The following CUL3 variants were observed in gnomAD, a reference collection of about 807,000 sequenced individuals.
The protein encoded by CUL3 is cullin 3, also known as cullin-3.
Under a neutral mutation model 89.1 loss-of-function variants are expected in CUL3, and 19 were observed. That is an observed-to-expected ratio of 0.21 (90% CI 0.15 to 0.31). The LOEUF is 0.31. Among genes scored for constraint, CUL3 ranks in the 10% least tolerant of loss-of-function variants. The pLI is 1.00. For synonymous variants in CUL3, 351 were observed against 308.4 expected, an observed-to-expected ratio of 1.14 and a Z score of -1.45; for missense variants, 469 against 942.3, an observed-to-expected ratio of 0.50 and a Z score of 6.58.
chr2:224,500,399 G>A lies in CUL3; in HGVS notation c.1574C>T (p.Pro525Leu). 1 of 1,614,026 alleles carries A rather than the reference G, an allele frequency of 6.2e-7. No homozygotes were observed. Among genetic ancestry groups the A allele is most frequent in the Non-Finnish European group, 8.5e-7 (1 of 1,179,954 alleles). Residue 525 changes from proline (P) to leucine (L), a missense_variant, in exon 11 of 16, where the codon CCA (proline) becomes CTA (leucine). Pro to Leu is a moderately conservative substitution (Grantham distance 98). Around this residue, in one of 4 missense-constraint regions of CUL3, gnomAD observed 370 missense variants for 733.2 expected, o/e 0.50. Transcript: ENST00000264414. ...TQSATPKCNI[P>L]PAPRHAFEIF... is the part of the protein sequence containing the mutation. The stretch of plus-strand genomic sequence containing the variant: ...CTCAAAAGCATGTCTTGGTGCTGGT[G>A]GGATGTTGCACTTTGGTGTGGCTGA...
Position 224,556,060 on chromosome 2 carries a change from ATAAGATAC to A in CUL3, c.264+1591_264+1598del, listed in dbSNP as rs1169496275. Among the ~76,000 whole-genome samples the A allele has an allele frequency of 2.0e-5, 3 of 152,202 alleles. No individual in the cohort carries two copies. In the East Asian group the frequency reaches 5.8e-4, roughly 29 times the overall value. On this transcript the variant is annotated intron_variant, in intron 2 of 15. Coordinates refer to ENST00000264414, the MANE Select transcript of CUL3 (RefSeq NM_003590.5). ...GTGAAAAACACAATCACCTTGCTTC[ATAAGATAC>A]TAACTGCGTGGCTCATGTAATTCCC...
At position 224,511,385 on chromosome 2, in the gene CUL3, T is replaced by C. The variant is rs765412775; in HGVS notation, c.852A>G (p.Leu284=). 3 of 1,612,482 alleles carry C rather than the reference T, an allele frequency of 1.9e-6. No homozygotes were observed. The highest frequency in any genetic ancestry group is 2.2e-5 in the South Asian group (2 of 90,874). The change falls in exon 6 of 16, where the codon CTA becomes CTG. Residue 284 remains leucine (L), a synonymous_variant. Transcript: ENST00000264414. The stretch of plus-strand genomic sequence containing the variant: ...TCTTTCCATTTTTCAACATATGTAC[T>C]AGCCCAGAATTCTCCATTTCTACTA... ...KTIVEMENSG[L]VHMLKNGKTE... is the part of the protein sequence containing the mutation.
intron 3 of CUL3, among the ~76,000 whole-genome samples, chr2:224,515,475 T>A (rs1693004738): frequency 6.6e-6 from 1 of 152,214 alleles, no homozygotes; most frequent in Admixed American, 6.5e-5. Context: ...TCCTTTCTCG[T>A]CTCAGCAAGG....
intron 2 of CUL3, among the ~76,000 whole-genome samples, chr2:224,546,269 T>C (rs555361842): frequency 1.3e-5 from 2 of 152,260 alleles, no homozygotes; most frequent in South Asian, 4.2e-4. Flanking sequence ...CTACCAGTAT[T>C]TTTGTTCTCG....
At chr2:224,498,348 T>C (rs1378062526) in intron 11 of CUL3, among the ~76,000 whole-genome samples, 1 of 152,224 alleles carries the variant, frequency 6.6e-6, no homozygotes, top group Admixed American at 6.5e-5. Context: ...TGTTCAAAAC[T>C]GGTAGTTTTT....
rs1021298294 is a variant in CUL3 at position 224,473,904 on chromosome 2, G to A, written c.*341C>T. On this transcript the variant is annotated 3_prime_UTR_variant, in exon 16 of 16. Coordinates refer to ENST00000264414, the MANE Select transcript of CUL3 (RefSeq NM_003590.5). Reference sequence around the variant, plus strand: ...ATTTACATCAACACTGAAGACCTGGGGAAATGAAATCCAACAATTTTATTG... The same window carrying A: ...ATTTACATCAACACTGAAGACCTGGAGAAATGAAATCCAACAATTTTATTG... 2.2e-5 allele frequency: 5 copies of A among 229,280 alleles called. No homozygotes were observed. In the East Asian group the frequency reaches 3.3e-4, roughly 15 times the overall value. 14.2% of individuals were successfully genotyped at this position (229,280 alleles called of 1,614,324 possible). A position where few individuals can be genotyped will look rare whatever the true frequency, so the allele number is the denominator to read the frequency against.
intron 3 of CUL3, among the ~76,000 whole-genome samples, chr2:224,515,115 G>C (rs184571846): frequency 3.3e-5 from 5 of 152,152 alleles, no homozygotes; most frequent in Non-Finnish European, 7.4e-5. Context: ...AACATGGTTC[G>C]TTCTTAAATA....
intron 13 of CUL3, among the ~76,000 whole-genome samples, chr2:224,484,127 TACC>T (rs966134477): frequency 1.3e-5 from 2 of 152,032 alleles, no homozygotes; most frequent in Non-Finnish European, 2.9e-5. Flanking sequence ...GACATGATAA[TACC>T]ACTGCACTCC....
At chr2:224,508,599 A>G (rs570704712) in intron 6 of CUL3, among the ~76,000 whole-genome samples, 23 of 152,310 alleles carry the variant, frequency 1.5e-4, no homozygotes, top group African/African-American at 5.3e-4. Flanking sequence ...AGGGAATGTA[A>G]AAGTAAATGA....
rs1257581513 is a variant in CUL3, at chr2:224,485,645, G to A, written c.1843-3567C>T. On this transcript the variant is annotated intron_variant, in intron 13 of 15. Transcript: ENST00000264414. This position sits in a 1 kb window ranked among gnomAD's most constrained non-coding sequence, Gnocchi z 4.1. ...GTAAATAAAACTCCCATCTCCCTGG[G>A]ACAGAGCACCTGGGAAGAAGGCAGC... Among the ~76,000 whole-genome samples, 2 of 152,198 alleles carry A rather than the reference G, an allele frequency of 1.3e-5. No individual in the cohort carries two copies. Among genetic ancestry groups the A allele is most frequent in the East Asian group, 1.9e-4 (1 of 5,190 alleles).
At chr2:224,476,939 T>G in intron 15 of CUL3, among the ~76,000 whole-genome samples, 1 of 152,184 alleles carries the variant, frequency 6.6e-6, no homozygotes, top group East Asian at 1.9e-4. Flanking sequence ...TCTTGGTGGT[T>G]TCCACCTCCA....
rs529933854 is a variant in CUL3 at position 224,518,506 on chromosome 2, T to C, written c.379-3734A>G. 8.9e-4 allele frequency among the ~76,000 whole-genome samples: 135 copies of C among 152,340 alleles called. 1 individual carries two copies. The highest frequency in any genetic ancestry group is 1.4e-3 in the Non-Finnish European group (97 of 68,028). ...GATTCTAAGAGAGGAATTACTGGGCTGTATGGAAATTATCAAACTTTTCTA... is the reference window on the plus strand; with the variant it reads ...GATTCTAAGAGAGGAATTACTGGGCCGTATGGAAATTATCAAACTTTTCTA... On this transcript the variant is annotated intron_variant, in intron 3 of 15. Coordinates refer to ENST00000264414, the MANE Select transcript of CUL3 (RefSeq NM_003590.5).
At chr2:224,499,365 T>G in intron 11 of CUL3, 1 of 234,512 alleles carries the variant, frequency 4.3e-6, no homozygotes, top group Non-Finnish European at 9.6e-6. Flanking sequence ...CTTAAGACAA[T>G]TACTAGAATC....
At chr2:224,548,919 C>T (rs1208907586) in intron 2 of CUL3, among the ~76,000 whole-genome samples, 1 of 152,048 alleles carries the variant, frequency 6.6e-6, no homozygotes, top group Non-Finnish European at 1.5e-5. Context: ...AGAGAATCAC[C>T]ACAGCCTGGG....
At position 224,502,030 on chromosome 2, in the gene CUL3, C is replaced by T. The variant is rs78565895; in HGVS notation, c.1485+935G>A. Among the ~76,000 whole-genome samples, 1,299 of 152,296 alleles carry T rather than the reference C, an allele frequency of 8.5e-3. 33 individuals are homozygous for T. Among genetic ancestry groups the T allele is most frequent in the African/African-American group, 0.03 (1,251 of 41,554 alleles). ...ATTTCTGTCATGGACTTGCATCTTT[C>T]CTCCTCTCAGCTCTTCTCCACTGTA... On this transcript the variant is annotated intron_variant, in intron 10 of 15. Coordinates refer to ENST00000264414, the MANE Select transcript of CUL3 (RefSeq NM_003590.5).
chr2:224,470,899 T>TATGG lies in CUL3; in HGVS notation c.*3342_*3345dup. The TATGG allele has an allele frequency of 4.4e-6, 1 of 228,892 alleles. No homozygotes were observed. The highest frequency in any genetic ancestry group is 8.7e-6 in the Non-Finnish European group (1 of 115,360). 14.2% of individuals were successfully genotyped at this position (228,892 alleles called of 1,614,324 possible). On this transcript the variant is annotated 3_prime_UTR_variant, in exon 16 of 16. Coordinates refer to ENST00000264414, the MANE Select transcript of CUL3 (RefSeq NM_003590.5). ...AATCATGTCAATTTGTAACATGGAA[T>TATGG]ATGGATAGGATTAAACCTAGGTCCA...
rs200152305 is a variant in CUL3 at position 224,513,662 on chromosome 2, T to C, written c.540-24A>G. On this transcript the variant is annotated intron_variant, in intron 4 of 15. Coordinates refer to ENST00000264414, the MANE Select transcript of CUL3 (RefSeq NM_003590.5). The stretch of plus-strand genomic sequence containing the variant: ...CTCTGTCGAAAAAAGTTATTATCAC[T>C]TGATAATTAAATTACATTTAAAAAT... The C allele has an allele frequency of 1.4e-3, 1,933 of 1,407,924 alleles. 3 individuals carry two copies. Among genetic ancestry groups the C allele is most frequent in the Non-Finnish European group, 1.7e-3 (1,754 of 1,031,314 alleles). 87.2% of individuals were successfully genotyped at this position (1,407,924 alleles called of 1,614,324 possible).
chr2:224,535,773 T>C (rs1330582172), intron 2 of CUL3, 132 bp from the exon 3 acceptor site: 8 of 658,242 alleles, frequency 1.2e-5, no homozygotes, highest in Non-Finnish European at 1.6e-5. Flanking sequence ...TATAGGCTAG[T>C]AGAAATATTT....
chr2:224,513,474 A>G lies in CUL3; in HGVS notation c.654+50T>C, dbSNP rs771793850. The G allele has an allele frequency of 8.4e-6, 10 of 1,188,252 alleles. No individual in the cohort carries two copies. In the African/African-American group the frequency reaches 1.6e-4, roughly 19 times the overall value. 73.6% of individuals were successfully genotyped at this position (1,188,252 alleles called of 1,614,324 possible). ...AGTTAAATTAGTAACTATATTAAAT[A>G]ACATTAAGAACATCTTAAAAGATTA... On this transcript the variant is annotated intron_variant, in intron 5 of 15. Coordinates refer to ENST00000264414, the MANE Select transcript of CUL3 (RefSeq NM_003590.5).
Sources: gnomAD v4.1 joint callset for allele counts (sites outside exome capture counted in the v4.1 genomes callset) on GRCh38, gnomAD v4.1.1 for gene constraint, gnomAD v4.1.1 regional missense constraint, Gnocchi (gnomAD v3.1) non-coding constraint, MANE v1.5 for transcripts, NCBI Gene and HGNC (gene_info 2026-07-23, HGNC 2026-07-21) for gene names.